The following PDZD7 variants were observed in gnomAD, a reference collection of about 807,000 sequenced individuals.
The protein encoded by PDZD7 is PDZ domain-containing protein 7.
PDZD7 carries 72 observed loss-of-function variants against 84.7 expected under a neutral mutation model. The ratio of observed to expected loss-of-function variants is 0.85; its 90% CI spans 0.70 to 1.03. PDZD7 has a LOEUF of 1.03. PDZD7 is among the 50% of genes least tolerant of loss of function. PDZD7 has a pLI of 0.00. For synonymous variants in PDZD7, 594 were observed against 580.7 expected, an observed-to-expected ratio of 1.02 and a Z score of -0.33; for missense variants, 1,490 against 1,412.9, an observed-to-expected ratio of 1.05 and a Z score of -0.87.
At chr10:101,016,468 C>T (rs1852636447) in intron 9 of PDZD7, 41 bp from the exon 10 acceptor site, 1 of 1,548,706 alleles carries the variant, frequency 6.5e-7, no homozygotes, top group South Asian at 1.2e-5. Context: ...CCTTGGCCCC[C>T]AGTCTGAAAA....
chr10:101,010,726 T>A lies in PDZD7; in HGVS notation c.2163A>T (p.Pro721=), dbSNP rs1199223255. 3 of 1,140,664 alleles carry A rather than the reference T, an allele frequency of 2.6e-6. No individual in the cohort carries two copies. The highest frequency in any genetic ancestry group is 5.7e-5 in the East Asian group (1 of 17,612). 70.7% of individuals were successfully genotyped at this position (1,140,664 alleles called of 1,614,324 possible). Residue 721 remains proline, a synonymous_variant, in exon 15 of 17, where the codon CCA becomes CCT. Transcript: ENST00000619208. ...HKGIPPLQDV[P]VDAFTPLRIA... The stretch of plus-strand genomic sequence containing the variant: ...TTCGGAGGGGGGTGAAGGCATCTAC[T>A]GGCACGTCTTGTAGAGGGGGGATCC...
Position 101,009,332 on chromosome 10 carries a change from C to A in PDZD7, c.2636G>T (p.Gly879Val). 1 of 1,535,940 alleles carries A rather than the reference C, an allele frequency of 6.5e-7. No homozygotes were observed. The highest frequency in any genetic ancestry group is 8.7e-7 in the Non-Finnish European group (1 of 1,146,782). ...CATGGGCTGCACCTTGGACTCAATG[C>A]CCCCAGAAATGCTGATACCTAGTGA... ...KQSLGISISG[G>V]IESKVQPMVK... Residue 879 changes from glycine (G) to valine (V), a missense_variant, in exon 16 of 17, where the codon GGC (glycine) becomes GTC (valine). Transcript: ENST00000619208.
Position 101,018,085 on chromosome 10 carries a change from A to G in PDZD7, c.1522+14T>C, listed in dbSNP as rs1030234584. On this transcript the variant is annotated intron_variant, in intron 9 of 16. Coordinates refer to ENST00000619208, the MANE Select transcript of PDZD7 (RefSeq NM_001195263.2). ...CTTCACTTTGCCTTCCTGTTTGATC[A>G]GCCCACTACTTACCTTTCTCTATGT... is the stretch of plus-strand genomic sequence containing the variant. 1 of 1,614,032 alleles carries G rather than the reference A, an allele frequency of 6.2e-7. No homozygotes were observed. Among genetic ancestry groups the G allele is most frequent in the Non-Finnish European group, 8.5e-7 (1 of 1,180,014 alleles).
At chr10:101,009,038 C>G (rs1409178264) in intron 16 of PDZD7, among the ~76,000 whole-genome samples, 188 bp from the exon 17 acceptor site, 1 of 152,156 alleles carries the variant, frequency 6.6e-6, no homozygotes, top group Non-Finnish European at 1.5e-5. Flanking sequence ...GACAAGGGCT[C>G]TTTGTCCCTT....
At chr10:101,016,471 T>A in intron 9 of PDZD7, 44 bp from the exon 10 acceptor site, 1 of 1,547,036 alleles carries the variant, frequency 6.5e-7, no homozygotes, top group Non-Finnish European at 8.7e-7. Flanking sequence ...TGGCCCCCAG[T>A]CTGAAAATGG....
At chr10:101,022,078 C>T in intron 5 of PDZD7, 131 bp downstream of exon 5, 1 of 1,553,656 alleles carries the variant, frequency 6.4e-7, no homozygotes, top group Non-Finnish European at 8.8e-7. Flanking sequence ...CTCCCGCCCC[C>T]TCCCAGGCCC....
Position 101,008,186 on chromosome 10 carries a change from C to T in PDZD7, c.*281G>A. 3 of 488,022 alleles carry T rather than the reference C, an allele frequency of 6.1e-6. No homozygotes were observed. The highest frequency in any genetic ancestry group is 1.1e-5 in the Non-Finnish European group (3 of 277,228). The allele number at this position is 488,022 out of a possible 1,614,324, so 30.2% of individuals were successfully genotyped here. ...AGAAAGTGCCCACCAATCCCAAGCT[C>T]CAGACCTTGGCTTTCTCACCCCCTA... On this transcript the variant is annotated 3_prime_UTR_variant, in exon 17 of 17. Transcript: ENST00000619208.
At position 101,021,911 on chromosome 10, in the gene PDZD7, T is replaced by C; in HGVS notation, c.754A>G (p.Ile252Val). ...DHGGLAEENG[I>V]KVGDQVLAAN... ...GCCAGGACCTGGTCCCCCACCTTGA[T>C]GCCATTCTCCTCGGCCAGCCCACCA... Residue 252 changes from isoleucine to valine, a missense_variant, in exon 6 of 17, where the codon ATC becomes GTC. Physicochemically the swap from Ile to Val is conservative, Grantham distance 29. Transcript: ENST00000619208. The C allele has an allele frequency of 1.2e-6, 2 of 1,614,086 alleles. No individual in the cohort carries two copies. The highest frequency in any genetic ancestry group is 1.7e-6 in the Non-Finnish European group (2 of 1,180,008).
rs1299423968 is a variant in PDZD7 at position 101,020,644 on chromosome 10, A to G, written c.902T>C (p.Val301Ala). 2 of 1,613,830 alleles carry G rather than the reference A, an allele frequency of 1.2e-6. No homozygotes were observed. The highest frequency in any genetic ancestry group is 1.7e-6 in the Non-Finnish European group (2 of 1,179,940). ...TCGGTCCAGCCAGCAGTACTCAGAA[A>G]CCATCTCCTTGTAGGCAGGATACCG... The part of the protein sequence containing the change: ...TGRYPAYKEM[V>A]SEYCWLDRLS... The change falls in exon 7 of 17, where the codon GTT (valine) becomes GCT (alanine). Residue 301 changes from valine (V) to alanine (A), a missense_variant. Physicochemically the swap from Val to Ala is moderately conservative, Grantham distance 64. Coordinates refer to ENST00000619208, the MANE Select transcript of PDZD7 (RefSeq NM_001195263.2).
intron 14 of PDZD7, 122 bp from the exon 15 acceptor site, chr10:101,011,005 G>A (rs1852377187): frequency 6.7e-7 from 1 of 1,494,676 alleles, no homozygotes. Flanking sequence ...ACTGCAGTGC[G>A]GCCCACCCAC....
chr10:101,013,933 T>A (rs542125502), intron 11 of PDZD7, among the ~76,000 whole-genome samples: 1 of 148,076 alleles, frequency 6.8e-6, no homozygotes, highest in South Asian at 2.2e-4. Flanking sequence ...CACTGCAACC[T>A]CCACCTCCAG....
intron 9 of PDZD7, chr10:101,017,769 A>G (rs188990244): frequency 7.2e-4 from 380 of 526,706 alleles, no homozygotes; most frequent in African/African-American, 7.0e-3. Context: ...CTGGGCAACA[A>G]GAGCAAAACT....
At chr10:101,022,073 G>T (rs41291480) in intron 5 of PDZD7, 128 bp from the exon 6 acceptor site, 15,646 of 1,499,190 alleles carry the variant, frequency 0.01, 377 homozygotes, top group South Asian at 0.076. Flanking sequence ...GGGGCCTCCC[G>T]CCCCCTCCCA....
chr10:101,030,816 G>A (rs1938116293), intron 1 of PDZD7: 1 of 185,462 alleles, frequency 5.4e-6, no homozygotes, highest in South Asian at 9.3e-5. Flanking sequence ...CGAGGATAGG[G>A]CTTCAGGACC....
chr10:101,019,342 G>A, intron 7 of PDZD7, 125 bp from the exon 8 acceptor site: 1 of 1,233,316 alleles, frequency 8.1e-7, no homozygotes, highest in Non-Finnish European at 1.1e-6. Flanking sequence ...TAGAACCGCA[G>A]TGGTGAGGAA....
Position 101,009,234 on chromosome 10 carries a change from G to A in PDZD7, c.2718+16C>T. ...GCTGTGCTCTGAGAGGGTGGGCCAG[G>A]GCATGCTTCACCCACCTGCAGGGCC... On this transcript the variant is annotated intron_variant, in intron 16 of 16. Transcript: ENST00000619208. 2 of 1,528,378 alleles carry A rather than the reference G, an allele frequency of 1.3e-6. No homozygotes were observed. The highest frequency in any genetic ancestry group is 1.8e-6 in the Non-Finnish European group (2 of 1,140,010). The allele number at this position is 1,528,378 out of a possible 1,614,324, so 94.7% of individuals were successfully genotyped here.
rs779720907 is a variant in PDZD7, at chr10:101,010,565, C to T, written c.2324G>A (p.Arg775His). The T allele has an allele frequency of 1.0e-5, 15 of 1,487,120 alleles. 1 individual carries two copies. The highest frequency in any genetic ancestry group is 2.4e-5 in the South Asian group (2 of 81,986). The allele number at this position is 1,487,120 out of a possible 1,614,324, so 92.1% of individuals were successfully genotyped here. ...GCGGCTGCGGCTGCGGCTACGGCTG[C>T]GGCTACGGCTCTGAGCCCGGCCCCG... ...QIRGRAQSRSRSRSRSRSRSS... is the reference protein window; with the variant it reads ...QIRGRAQSRSHSRSRSRSRSS... The change falls in exon 15 of 17, where the codon CGC (arginine) becomes CAC (histidine). Residue 775 changes from arginine to histidine, a missense_variant. By Grantham distance (29) the Arg-to-His change is conservative. Coordinates refer to ENST00000619208, the MANE Select transcript of PDZD7 (RefSeq NM_001195263.2).
chr10:101,013,620 C>T (rs1014028960), intron 11 of PDZD7, among the ~76,000 whole-genome samples: 1 of 152,212 alleles, frequency 6.6e-6, no homozygotes, highest in Non-Finnish European at 1.5e-5. Flanking sequence ...CCCTGCAGGG[C>T]TGCTGCACAG....
chr10:101,030,237 G>A lies in PDZD7; in HGVS notation c.-18C>T, dbSNP rs755946365. On this transcript the variant is annotated 5_prime_UTR_variant, in exon 2 of 17. Transcript: ENST00000619208. ...TGCGCCATGGCGGCTGGGCTAGGGC[G>A]GCACCCTACAGGTCCAGAAGGAATC... is the stretch of plus-strand genomic sequence containing the variant. 3.2e-6 allele frequency: 5 copies of A among 1,579,942 alleles called. No homozygotes were observed. In the Admixed American group the frequency reaches 9.2e-5, roughly 29 times the overall value.
Sources: allele counts gnomAD v4.1 joint callset (sites outside exome capture counted in the v4.1 genomes callset), GRCh38; gene constraint gnomAD v4.1.1; transcripts MANE v1.5; gene names NCBI Gene and HGNC (gene_info 2026-07-23, HGNC 2026-07-21).